The following MSI2 variants were observed in gnomAD, a reference collection of about 807,000 sequenced individuals.
MSI2 encodes RNA-binding protein Musashi homolog 2.
Under a neutral mutation model 45.6 loss-of-function variants are expected in MSI2, and 17 were observed. The observed-to-expected ratio is 0.37, with a 90% CI of 0.26 to 0.56. The LOEUF (loss-of-function observed/expected upper bound fraction) is 0.56. MSI2 is among the 20% of genes least tolerant of loss of function. The pLI is 0.77. For missense variants in MSI2, 293 were observed against 444.2 expected, an observed-to-expected ratio of 0.66 and a Z score of 3.06; for synonymous variants, 156 against 158.2, an observed-to-expected ratio of 0.99 and a Z score of 0.11.
chr17:57,555,387 C>CTCAG (rs1410181989), intron 7 of MSI2, among the ~76,000 whole-genome samples: 4 of 152,310 alleles, frequency 2.6e-5, no homozygotes, highest in Middle Eastern at 3.4e-3. Flanking sequence ...TAGTGGCTGC[C>CTCAG]TGCTCAGGCG....
intron 11 of MSI2, among the ~76,000 whole-genome samples, chr17:57,664,257 G>A (rs1004710936): frequency 7.2e-5 from 11 of 152,192 alleles, no homozygotes; most frequent in Admixed American, 4.6e-4. Context: ...GGTGACTCAC[G>A]CCTGTAATCC....
At chr17:57,517,539 A>C (rs1410435136) in intron 6 of MSI2, among the ~76,000 whole-genome samples, 1 of 152,126 alleles carries the variant, frequency 6.6e-6, no homozygotes, top group Middle Eastern at 3.2e-3. Flanking sequence ...GGTTCAAAGG[A>C]GTCTTGGAGA....
intron 7 of MSI2, among the ~76,000 whole-genome samples, chr17:57,586,265 C>T (rs1226676170): frequency 6.6e-6 from 1 of 152,198 alleles, no homozygotes; most frequent in Non-Finnish European, 1.5e-5. Flanking sequence ...CCTTTCCCTG[C>T]AGCCGCAGGC....
chr17:57,529,564 A>G lies in MSI2; in HGVS notation c.406-112A>G. 1 of 905,280 alleles carries G rather than the reference A, an allele frequency of 1.1e-6. No homozygotes were observed. Among genetic ancestry groups the G allele is most frequent in the Non-Finnish European group, 1.7e-6 (1 of 576,040 alleles). The allele number at this position is 905,280 out of a possible 1,614,324, so 56.1% of individuals were successfully genotyped here. A position where few individuals can be genotyped will look rare whatever the true frequency, so the allele number is the denominator to read the frequency against. Reference sequence around the variant, plus strand: ...CATTTTCAAATATTTTTTGATAAGCAACTATTACTTCTGTAATGGAAACTA... The same window carrying G: ...CATTTTCAAATATTTTTTGATAAGCGACTATTACTTCTGTAATGGAAACTA... On this transcript the variant is annotated intron_variant, in intron 6 of 13. Coordinates refer to ENST00000284073, the MANE Select transcript of MSI2 (RefSeq NM_138962.4). This position sits in a 1 kb window ranked among gnomAD's most constrained non-coding sequence, Gnocchi z 5.3.
intron 6 of MSI2, among the ~76,000 whole-genome samples, chr17:57,523,092 GGCTGGAGTGCAATGGCGTAATCTCA>G (rs2086627045): frequency 6.7e-6 from 1 of 149,174 alleles, no homozygotes; most frequent in South Asian, 2.1e-4. Flanking sequence ...CTGTCATCCA[GGCTGGAGTGCAATGGCGTAATCTCA>G]GCTCACTGCA....
intron 5 of MSI2, among the ~76,000 whole-genome samples, chr17:57,352,520 G>T (rs1163845413): frequency 1.3e-5 from 2 of 152,214 alleles, no homozygotes; most frequent in Non-Finnish European, 2.9e-5. Flanking sequence ...TCCTAAATGG[G>T]AACAGGTTTG....
chr17:57,656,749 C>T (rs1019518738), intron 11 of MSI2, among the ~76,000 whole-genome samples: 1 of 152,130 alleles, frequency 6.6e-6, no homozygotes, highest in Non-Finnish European at 1.5e-5. Context: ...GAGGAACCAC[C>T]CCTAGTTTCC....
At chr17:57,491,491 G>GATT (rs1372312749) in intron 6 of MSI2, among the ~76,000 whole-genome samples, 1 of 152,240 alleles carries the variant, frequency 6.6e-6, no homozygotes, top group Admixed American at 6.5e-5. Context: ...ATTTGTGGCT[G>GATT]ATAATAGAGA....
At chr17:57,408,623 A>G (rs1437241837) in intron 6 of MSI2, among the ~76,000 whole-genome samples, 9 of 152,058 alleles carry the variant, frequency 5.9e-5, no homozygotes, top group Admixed American at 5.2e-4. Flanking sequence ...AAGTACTTCC[A>G]CCAGCTCACC....
chr17:57,511,428 A>G (rs1456892344), intron 6 of MSI2, among the ~76,000 whole-genome samples: 1 of 152,186 alleles, frequency 6.6e-6, no homozygotes, highest in East Asian at 1.9e-4. Flanking sequence ...GAGAAGGTTC[A>G]TTAAGCTGGA....
At chr17:57,586,100 A>G (rs2088339368) in intron 7 of MSI2, among the ~76,000 whole-genome samples, 1 of 152,250 alleles carries the variant, frequency 6.6e-6, no homozygotes, top group African/African-American at 2.4e-5. Flanking sequence ...CCACGCACAA[A>G]AAATAGGTTT....
intron 6 of MSI2, among the ~76,000 whole-genome samples, chr17:57,427,881 G>T (rs1394973075): frequency 6.6e-6 from 1 of 151,878 alleles, no homozygotes; most frequent in African/African-American, 2.4e-5. Context: ...TGTGAGCTCT[G>T]CAGTGGGACA....
chr17:57,475,416 T>A (rs2085518930), intron 6 of MSI2, among the ~76,000 whole-genome samples: 2 of 152,158 alleles, frequency 1.3e-5, no homozygotes, highest in South Asian at 4.1e-4. Context: ...GTGGCATCTT[T>A]GGGGCTTCTG....
intron 6 of MSI2, among the ~76,000 whole-genome samples, chr17:57,415,324 C>G (rs988048608): frequency 6.6e-6 from 1 of 151,698 alleles, no homozygotes; most frequent in African/African-American, 2.4e-5. Flanking sequence ...TTTTGCCTCT[C>G]GAATGAACCG....
chr17:57,651,585 G>A (rs1048731211), intron 10 of MSI2, among the ~76,000 whole-genome samples: 4 of 152,226 alleles, frequency 2.6e-5, no homozygotes, highest in Admixed American at 6.5e-5. Flanking sequence ...ATGCTAACCT[G>A]CAGAGCCTTT....
At position 57,652,074 on chromosome 17, in the gene MSI2, T is replaced by A. The variant is rs370826936; in HGVS notation, c.728-25T>A. 9 of 1,613,066 alleles carry A rather than the reference T, an allele frequency of 5.6e-6. No homozygotes were observed. The highest frequency in any genetic ancestry group is 7.6e-6 in the Non-Finnish European group (9 of 1,179,218). ...GCCCTTTCAAGGATTCCTCCATGAC[T>A]CAGGCTCCTCTCTCTCCTGACCAGG... On this transcript the variant is annotated intron_variant, in intron 10 of 13. Coordinates refer to ENST00000284073, the MANE Select transcript of MSI2 (RefSeq NM_138962.4). The surrounding 1 kb of genome is among the most constrained non-coding windows in gnomAD (Gnocchi z 4.1).
At chr17:57,633,406 C>T (rs1012271753) in intron 10 of MSI2, among the ~76,000 whole-genome samples, 2 of 152,260 alleles carry the variant, frequency 1.3e-5, no homozygotes, top group African/African-American at 2.4e-5. Context: ...CATCTGCATG[C>T]GCCAGCTGCA....
At chr17:57,649,301 C>T (rs1910941745) in intron 10 of MSI2, among the ~76,000 whole-genome samples, 1 of 151,214 alleles carries the variant, frequency 6.6e-6, no homozygotes, top group African/African-American at 2.4e-5. Flanking sequence ...ACAAACACAA[C>T]ACACACAACA....
rs188253318 is a variant in MSI2 at position 57,305,016 on chromosome 17, C to T, written c.312+42824C>T. On this transcript the variant is annotated intron_variant, in intron 5 of 13. Coordinates refer to ENST00000284073, the MANE Select transcript of MSI2 (RefSeq NM_138962.4). ...GTAAAAATAAGACAAGCCAGGTCTT[C>T]GCTCTCAGAGAGCTTATAGTCTAAA... is the stretch of plus-strand genomic sequence containing the variant. 1.9e-4 allele frequency among the ~76,000 whole-genome samples: 29 copies of T among 152,250 alleles called. 1 individual carries two copies. Among genetic ancestry groups the T allele is most frequent in the East Asian group, 9.6e-4 (5 of 5,186 alleles).
Sources: allele counts gnomAD v4.1 joint callset (sites outside exome capture counted in the v4.1 genomes callset), GRCh38; gene constraint gnomAD v4.1.1; non-coding constraint Gnocchi (gnomAD v3.1); transcripts MANE v1.5; gene names NCBI Gene and HGNC (gene_info 2026-07-23, HGNC 2026-07-21).